Variants in ZNF83 observed in about 807,000 individuals in gnomAD.
The protein encoded by ZNF83 is zinc finger protein 83.
For synonymous variants in ZNF83, 209 were observed against 213.0 expected (o/e 0.98, Z 0.17); for missense variants, 552 against 629.9 (o/e 0.88, Z 1.32).
intron 1 of ZNF83, among the ~76,000 whole-genome samples, chr19:52,672,440 TTA>T (rs1314265877): frequency 2.0e-5 from 3 of 152,088 alleles, no homozygotes; most frequent in Non-Finnish European, 4.4e-5. Flanking sequence ...ATCTAGAATA[TTA>T]GCAAGTTTAA....
intron 2 of ZNF83, among the ~76,000 whole-genome samples, chr19:52,615,229 G>A (rs538569495): frequency 1.8e-4 from 28 of 152,252 alleles, no homozygotes; most frequent in African/African-American, 6.5e-4. Flanking sequence ...AAATAAAAAG[G>A]TATACAACAC....
intron 3 of ZNF83, chr19:52,654,388 G>A: frequency 3.5e-6 from 4 of 1,144,888 alleles, no homozygotes; most frequent in Non-Finnish European, 4.9e-6. Flanking sequence ...CTCCGTCATG[G>A]ATTTTAAAGA....
intron 1 of ZNF83, among the ~76,000 whole-genome samples, chr19:52,683,027 C>A (rs1411990557): frequency 3.3e-5 from 5 of 152,148 alleles, no homozygotes; most frequent in Non-Finnish European, 2.9e-5. Context: ...TGTGCCACCA[C>A]ACCCAGCTAA....
chr19:52,620,440 G>A (rs116669870), intron 2 of ZNF83, among the ~76,000 whole-genome samples: 1,526 of 152,184 alleles, frequency 0.01, 29 homozygotes, highest in African/African-American at 0.034. Flanking sequence ...AGCCTTCCCT[G>A]GAGGAATCCT....
upstream of ZNF83, among the ~76,000 whole-genome samples, chr19:52,642,570 C>T (rs369768814): frequency 1.6e-4 from 25 of 152,180 alleles, no homozygotes; most frequent in East Asian, 7.7e-4. Flanking sequence ...AGGAATAAAA[C>T]GGGAGGCAAG....
intron 1 of ZNF83, among the ~76,000 whole-genome samples, chr19:52,685,885 G>A (rs983451073): frequency 7.7e-6 from 1 of 129,632 alleles, no homozygotes; most frequent in African/African-American, 2.9e-5. Context: ...GGGAACAAGA[G>A]TGTAACTGTC....
At chr19:52,629,036 A>G (rs2060851913) in intron 2 of ZNF83, among the ~76,000 whole-genome samples, 1 of 151,468 alleles carries the variant, frequency 6.6e-6, no homozygotes, top group Non-Finnish European at 1.5e-5. Flanking sequence ...TATAGGCAAT[A>G]TTCCACCCTC....
At chr19:52,666,185 G>A (rs1290058212) in intron 1 of ZNF83, among the ~76,000 whole-genome samples, 3 of 147,524 alleles carry the variant, frequency 2.0e-5, no homozygotes, top group Admixed American at 1.4e-4. Flanking sequence ...AAAAGAAAGA[G>A]ACAGAGAGTC....
intron 2 of ZNF83, among the ~76,000 whole-genome samples, chr19:52,631,777 A>T (rs893982801): frequency 6.6e-5 from 10 of 152,270 alleles, no homozygotes; most frequent in Admixed American, 2.0e-4. Flanking sequence ...ACCAGGCCTA[A>T]TCGCCACACA....
At chr19:52,673,703 G>A in intron 1 of ZNF83, among the ~76,000 whole-genome samples, 1 of 151,462 alleles carries the variant, frequency 6.6e-6, no homozygotes. Context: ...TAGCCTGGGT[G>A]ACAGAGTGAG....
chr19:52,617,342 A>C (rs2060348093), intron 2 of ZNF83: 1 of 152,280 alleles, frequency 6.6e-6, no homozygotes, highest in Non-Finnish European at 1.5e-5. Flanking sequence ...CGTCCTACAG[A>C]TAAGCAAGTG....
intron 1 of ZNF83, among the ~76,000 whole-genome samples, chr19:52,679,803 T>C (rs912982670): frequency 6.6e-6 from 1 of 152,096 alleles, no homozygotes; most frequent in Admixed American, 6.6e-5. Context: ...TTATGCAAAC[T>C]CACTCCATAG....
intron 2 of ZNF83, among the ~76,000 whole-genome samples, chr19:52,656,208 GTCTC>G (rs56734195): frequency 9.7e-5 from 14 of 144,350 alleles, no homozygotes; most frequent in East Asian, 4.2e-4. Flanking sequence ...GTGAGACTCC[GTCTC>G]TCTCTCTCTC....
At position 52,635,156 on chromosome 19, in the gene ZNF83, G is replaced by A; in HGVS notation, c.-321-3C>T. 1 of 635,280 alleles carries A rather than the reference G, an allele frequency of 1.6e-6. No homozygotes were observed. The highest frequency in any genetic ancestry group is 2.8e-6 in the Non-Finnish European group (1 of 354,448). The allele number at this position is 635,280 out of a possible 1,614,324, so 39.4% of individuals were successfully genotyped here. Reference sequence around the variant, plus strand: ...CCAAGAGTCCTTAGAAGTCAATCCTGAATGTTAAAAATATGTTGTTTATTG... The same window carrying A: ...CCAAGAGTCCTTAGAAGTCAATCCTAAATGTTAAAAATATGTTGTTTATTG... On this transcript the variant is annotated splice_region_variant and splice_polypyrimidine_tract_variant and intron_variant, in intron 1 of 2. Transcript: ENST00000301096.
intron 1 of ZNF83, among the ~76,000 whole-genome samples, chr19:52,686,531 C>T (rs2062019877): frequency 1.3e-5 from 2 of 149,660 alleles, no homozygotes; most frequent in Admixed American, 6.7e-5. Flanking sequence ...TATTACACAA[C>T]AAGAACAAAA....
At chr19:52,670,356 T>C (rs778780491) in intron 1 of ZNF83, among the ~76,000 whole-genome samples, 15 of 152,110 alleles carry the variant, frequency 9.9e-5, no homozygotes, top group Non-Finnish European at 2.2e-4. Flanking sequence ...CCCTCGCCAA[T>C]AGGGGAATGA....
Position 52,668,394 on chromosome 19 carries a change from T to G in ZNF83, c.-282-7551A>C, listed in dbSNP as rs560674117. Among the ~76,000 whole-genome samples the G allele has an allele frequency of 3.9e-5, 6 of 152,298 alleles. No homozygotes were observed. The East Asian group carries it at 5.8e-4, about 15-fold the overall frequency. On this transcript the variant is annotated intron_variant, in intron 1 of 5. Transcript: ENST00000594682. ...AAGGAAAGCTTAGTCTATCTATCTT[T>G]TCCTTTCCTTTCCTTTCCCAGTGCT...
intron 3 of ZNF83, chr19:52,655,384 C>T (rs2061492095): frequency 1.6e-6 from 1 of 627,410 alleles, no homozygotes; most frequent in African/African-American, 1.9e-5. Flanking sequence ...AAAACCACTC[C>T]ATAGGATAGT....
At chr19:52,662,693 T>A (rs2061595895) in intron 1 of ZNF83, among the ~76,000 whole-genome samples, 1 of 152,132 alleles carries the variant, frequency 6.6e-6, no homozygotes, top group African/African-American at 2.4e-5. Flanking sequence ...CTGACTGAGC[T>A]TTTCTTGTCT....
Sources: allele counts gnomAD v4.1 joint callset (sites outside exome capture counted in the v4.1 genomes callset), GRCh38; gene constraint gnomAD v4.1.1; transcripts MANE v1.5; gene names NCBI Gene and HGNC (gene_info 2026-07-23, HGNC 2026-07-21).